TENM2: variants seen among roughly 807,000 people sequenced by gnomAD.
The protein encoded by TENM2 is teneurin transmembrane protein 2, also known as teneurin-2.
A neutral mutation model predicts 245.2 loss-of-function variants in TENM2; 52 were observed. The observed-to-expected ratio is 0.21, with a 90% CI of 0.17 to 0.27. The LOEUF (loss-of-function observed/expected upper bound fraction) is 0.27, where lower values mean the gene tolerates loss of function less well. Ranked by LOEUF, TENM2 falls within the 10% of genes least tolerant of loss-of-function variation. TENM2 has a pLI of 1.00. For missense variants in TENM2, 3,046 were observed against 3,666.8 expected (o/e 0.83, Z 4.37); for synonymous variants, 1,363 against 1,438.9 (o/e 0.95, Z 1.19).
At chr5:167,200,832 T>C in the TENM2 span, among the ~76,000 whole-genome samples, 1 of 152,108 alleles carries the variant, frequency 6.6e-6, no homozygotes, top group Non-Finnish European at 1.5e-5. Flanking sequence ...AAAGAATATC[T>C]CATTTGTTTG....
intron 25 of TENM2, among the ~76,000 whole-genome samples, chr5:168,235,813 A>G (rs1428695731): frequency 6.6e-6 from 1 of 151,710 alleles, no homozygotes; most frequent in Non-Finnish European, 1.5e-5. Context: ...CCTCAAAGAA[A>G]AAAAAAAGAA....
At chr5:167,757,958 T>A (rs1478461670) in intron 2 of TENM2, among the ~76,000 whole-genome samples, 1 of 152,228 alleles carries the variant, frequency 6.6e-6, no homozygotes, top group Non-Finnish European at 1.5e-5. Flanking sequence ...TATGCCTTGG[T>A]TACCCTGTGG....
At chr5:168,051,864 G>A (rs906333360) in intron 6 of TENM2, among the ~76,000 whole-genome samples, 20 of 152,172 alleles carry the variant, frequency 1.3e-4, no homozygotes, top group African/African-American at 3.9e-4. Flanking sequence ...AATGATCCAC[G>A]AGTCTTAGTT....
intron 9 of TENM2, among the ~76,000 whole-genome samples, chr5:168,113,761 G>A (rs1240562805): frequency 2.0e-5 from 3 of 152,010 alleles, no homozygotes; most frequent in African/African-American, 7.3e-5. Context: ...TTTCTTCTGT[G>A]GGAGTCTTAG....
intron 25 of TENM2, among the ~76,000 whole-genome samples, chr5:168,230,694 G>A (rs187908154): frequency 2.0e-5 from 3 of 152,306 alleles, no homozygotes; most frequent in Admixed American, 6.5e-5. Flanking sequence ...ATGAGGGCAT[G>A]AAAGTTCATT....
At chr5:167,748,527 T>G (rs1252440594) in intron 2 of TENM2, among the ~76,000 whole-genome samples, 1 of 152,100 alleles carries the variant, frequency 6.6e-6, no homozygotes, top group East Asian at 1.9e-4. Context: ...TACATGGGAC[T>G]ACAGGCACAT....
exon 7 of TENM2, chr5:168,062,232 C>T: frequency 1.2e-6 from 2 of 1,613,750 alleles, no homozygotes; most frequent in Middle Eastern, 1.7e-4. Flanking sequence ...TTGGTGTTTA[C>T]ATAAGAAGAG....
At chr5:167,844,896 G>A (rs1769892717) in intron 2 of TENM2, among the ~76,000 whole-genome samples, 1 of 148,786 alleles carries the variant, frequency 6.7e-6, no homozygotes, top group Non-Finnish European at 1.5e-5. Flanking sequence ...CGCCCCTTCA[G>A]TATTTCTATC....
intron 27 of TENM2, among the ~76,000 whole-genome samples, chr5:168,253,247 G>A (rs112465595): frequency 0.44 from 66,961 of 151,460 alleles, 16,776 homozygotes; most frequent in South Asian, 0.6. Flanking sequence ...GATTACAGGC[G>A]TGAGCCACCG....
At chr5:168,232,420 G>C (rs981242569) in intron 25 of TENM2, 1 of 152,184 alleles carries the variant, frequency 6.6e-6, no homozygotes, top group Non-Finnish European at 1.5e-5. Context: ...AGAGATGTAA[G>C]ATTCTGGTGG....
At chr5:167,295,068 T>C (rs1406642308) in intron 1 of TENM2, among the ~76,000 whole-genome samples, 1 of 152,174 alleles carries the variant, frequency 6.6e-6, no homozygotes, top group Non-Finnish European at 1.5e-5. Flanking sequence ...CTCCTATGAA[T>C]AGGGAAATAA....
intron 23 of TENM2, among the ~76,000 whole-genome samples, chr5:168,222,026 A>C (rs1763715039): frequency 6.6e-6 from 1 of 152,178 alleles, no homozygotes; most frequent in African/African-American, 2.4e-5. Flanking sequence ...TGGCATATAG[A>C]AGTTTAACTC....
At chr5:167,123,657 A>G in the TENM2 span, among the ~76,000 whole-genome samples, 1 of 152,220 alleles carries the variant, frequency 6.6e-6, no homozygotes, top group Non-Finnish European at 1.5e-5. Flanking sequence ...TCTACTTTAA[A>G]AATATACCTA....
chr5:167,158,980 G>T, the TENM2 span, among the ~76,000 whole-genome samples: 1 of 138,100 alleles, frequency 7.2e-6, no homozygotes, highest in African/African-American at 2.7e-5. Flanking sequence ...TTTTGACAGA[G>T]TCTCACTCTG....
chr5:167,279,514 T>TTCCCTTCCTTCCTTCCTTCCTTCCTTCC, the TENM2 span, among the ~76,000 whole-genome samples: 9 of 98,298 alleles, frequency 9.2e-5, no homozygotes, highest in African/African-American at 2.2e-4. Flanking sequence ...CCTTCCTTCC[T>TTCCCTTCCTTCCTTCCTTCCTTCCTTCC]TTCCTTCCTT....
chr5:167,416,447 G>T (rs570164550), intron 2 of TENM2, among the ~76,000 whole-genome samples: 1 of 152,128 alleles, frequency 6.6e-6, no homozygotes, highest in Non-Finnish European at 1.5e-5. Flanking sequence ...CTAATTGCAA[G>T]TAGTTTTTAA....
At chr5:167,646,274 G>A (rs892202941) in intron 2 of TENM2, among the ~76,000 whole-genome samples, 1 of 143,690 alleles carries the variant, frequency 7.0e-6, no homozygotes, top group African/African-American at 2.6e-5. Flanking sequence ...ATCCTTTCCT[G>A]TGTCACTCCA....
At chr5:167,128,923 G>A in the TENM2 span, among the ~76,000 whole-genome samples, 1 of 152,258 alleles carries the variant, frequency 6.6e-6, no homozygotes, top group Non-Finnish European at 1.5e-5. Context: ...CCCTTTGTTC[G>A]TATCCTTGCC....
the TENM2 span, among the ~76,000 whole-genome samples, chr5:167,279,452 A>G: frequency 6.7e-6 from 1 of 149,204 alleles, no homozygotes; most frequent in African/African-American, 2.5e-5. Flanking sequence ...CTTTCTTTCT[A>G]TCTTTCTTCC....
Sources: allele counts gnomAD v4.1 joint callset (sites outside exome capture counted in the v4.1 genomes callset), GRCh38; gene constraint gnomAD v4.1.1; transcripts MANE v1.5; gene names NCBI Gene and HGNC (gene_info 2026-07-23, HGNC 2026-07-21).